GLIS3: variants seen among roughly 807,000 people sequenced by gnomAD.
GLIS3 encodes the protein zinc finger protein GLIS3.
GLIS3 carries 53 observed loss-of-function variants against 78.6 expected under a neutral mutation model. The observed-to-expected ratio is 0.67, with a 90% CI of 0.54 to 0.85. GLIS3 has a LOEUF of 0.85. GLIS3 is among the 40% of genes least tolerant of loss of function. The probability of loss-of-function intolerance (pLI) is 0.00; values close to 1 mark genes in which losing one functional copy is unlikely to be tolerated. For missense variants in GLIS3, 1,703 were observed against 1,231.1 expected (o/e 1.38, Z -5.74); for synonymous variants, 684 against 509.9 (o/e 1.34, Z -4.60).
intron 4 of GLIS3, among the ~76,000 whole-genome samples, chr9:3,955,977 A>G (rs888448807): frequency 2.7e-5 from 4 of 149,480 alleles, no homozygotes; most frequent in Non-Finnish European, 5.9e-5. Context: ...ACCATACCAT[A>G]GACTGCTCCC....
At chr9:3,934,509 A>C (rs1361596561) in intron 5 of GLIS3, among the ~76,000 whole-genome samples, 8 of 150,678 alleles carry the variant, frequency 5.3e-5, no homozygotes, top group African/African-American at 1.7e-4. Flanking sequence ...TCCCGAGTTT[A>C]AGCGATTCTC....
chr9:4,187,584 G>A (rs1470728557), intron 2 of GLIS3, among the ~76,000 whole-genome samples: 1 of 152,176 alleles, frequency 6.6e-6, no homozygotes, highest in African/African-American at 2.4e-5. Flanking sequence ...AATGACCTTG[G>A]ACTGTATGGC....
chr9:4,256,856 A>G (rs1309582159), intron 2 of GLIS3, among the ~76,000 whole-genome samples: 1 of 152,178 alleles, frequency 6.6e-6, no homozygotes, highest in Non-Finnish European at 1.5e-5. Context: ...TATACACCCA[A>G]AGGAAAGGAA....
chr9:3,930,131 A>G (rs564847322), intron 6 of GLIS3, among the ~76,000 whole-genome samples: 1 of 152,368 alleles, frequency 6.6e-6, no homozygotes, highest in Non-Finnish European at 1.5e-5. Flanking sequence ...AAATTAATCC[A>G]TCATGGATTC....
At chr9:4,014,026 G>T (rs1292174188) in intron 4 of GLIS3, among the ~76,000 whole-genome samples, 2 of 152,144 alleles carry the variant, frequency 1.3e-5, no homozygotes, top group African/African-American at 2.4e-5. Context: ...AGAGAGCCTT[G>T]AAAAATGAAA....
intron 2 of GLIS3, among the ~76,000 whole-genome samples, chr9:4,242,354 G>A (rs567772551): frequency 6.6e-6 from 1 of 152,254 alleles, no homozygotes; most frequent in South Asian, 2.1e-4. Context: ...TATTACCCAG[G>A]AAATCCTATA....
At chr9:4,455,743 G>C in the GLIS3 span, among the ~76,000 whole-genome samples, 2 of 152,110 alleles carry the variant, frequency 1.3e-5, no homozygotes, top group Admixed American at 6.5e-5. Flanking sequence ...GGATATTGCA[G>C]GTTCGGTCCC....
rs1365859989 is a variant in GLIS3, at chr9:3,824,859, A to G, written c.*3413T>C. On this transcript the variant is annotated 3_prime_UTR_variant, in exon 11 of 11. Coordinates refer to ENST00000381971, the MANE Select transcript of GLIS3 (RefSeq NM_001042413.2). ...ATACTTTGCTGTCTGTACAAAATAA[A>G]TCTCTTTTTACACTCACTATTTCTC... 6.7e-6 allele frequency: 1 copy of G among 149,642 alleles called. No homozygotes were observed. The highest frequency in any genetic ancestry group is 2.1e-4 in the South Asian group (1 of 4,760). The allele number at this position is 149,642 out of a possible 1,614,324, so 9.3% of individuals were successfully genotyped here. A position where few individuals can be genotyped will look rare whatever the true frequency, so the allele number is the denominator to read the frequency against.
chr9:4,244,954 A>C lies in GLIS3; in HGVS notation c.388+41084T>G, dbSNP rs529118869. ...ATTTTTAAGTTCTCATTCTACGTTA[A>C]AGAATACTTTTAAATTATAGAAGAG... is the stretch of plus-strand genomic sequence containing the variant. On this transcript the variant is annotated intron_variant, in intron 2 of 10. Coordinates refer to ENST00000381971, the MANE Select transcript of GLIS3 (RefSeq NM_001042413.2). Among the ~76,000 whole-genome samples the C allele has an allele frequency of 8.5e-5, 13 of 152,184 alleles. 1 individual carries two copies. The highest frequency in any genetic ancestry group is 1.6e-4 in the Non-Finnish European group (11 of 68,026).
At chr9:4,247,819 T>C (rs1339935453) in intron 2 of GLIS3, among the ~76,000 whole-genome samples, 1 of 152,222 alleles carries the variant, frequency 6.6e-6, no homozygotes, top group African/African-American at 2.4e-5. Flanking sequence ...TGTGATGTTT[T>C]GATATATGTC....
rs574174189 is a variant in GLIS3 at position 4,197,889 on chromosome 9, C to A, written c.389-71948G>T. On this transcript the variant is annotated intron_variant, in intron 2 of 10. Transcript: ENST00000381971. The stretch of plus-strand genomic sequence containing the variant: ...AGTAAAGCCAAAAGACCATACCCAG[C>A]ATTCTCTACAATCACGCCCCCTAGG... 5.3e-5 allele frequency among the ~76,000 whole-genome samples: 8 copies of A among 152,048 alleles called. No homozygotes were observed. In the South Asian group the frequency reaches 1.7e-3, roughly 32 times the overall value.
intron 4 of GLIS3, among the ~76,000 whole-genome samples, chr9:4,005,514 T>C (rs137928077): frequency 7.7e-4 from 118 of 152,320 alleles, no homozygotes; most frequent in Non-Finnish European, 1.5e-3. Flanking sequence ...TACCACTTTC[T>C]AATTGTGACC....
intron 2 of GLIS3, among the ~76,000 whole-genome samples, chr9:4,269,341 C>A (rs769237125): frequency 3.3e-5 from 5 of 152,022 alleles, no homozygotes; most frequent in Non-Finnish European, 7.3e-5. Flanking sequence ...TCCCACCAGT[C>A]TTGATCTGCG....
At chr9:4,261,307 G>A (rs1021403675) in intron 2 of GLIS3, among the ~76,000 whole-genome samples, 7 of 152,218 alleles carry the variant, frequency 4.6e-5, no homozygotes, top group Admixed American at 2.0e-4. Flanking sequence ...AGAGTGAGAC[G>A]TGGGACTTGA....
intron 2 of GLIS3, among the ~76,000 whole-genome samples, chr9:4,227,306 C>CAAA (rs35096957): frequency 2.2e-5 from 3 of 136,786 alleles, no homozygotes; most frequent in Non-Finnish European, 4.7e-5. Flanking sequence ...GTTATGTTAC[C>CAAA]AAAAAAAAAA....
chr9:4,340,579 G>A (rs1690650524), intron 2 of GLIS3, among the ~76,000 whole-genome samples: 3 of 152,190 alleles, frequency 2.0e-5, no homozygotes, highest in Admixed American at 2.0e-4. Flanking sequence ...GCAGGAATGA[G>A]GGAGTGAGGG....
At chr9:4,385,555 C>A in the GLIS3 span, among the ~76,000 whole-genome samples, 1 of 151,050 alleles carries the variant, frequency 6.6e-6, no homozygotes, top group South Asian at 2.1e-4. Context: ...ATCCCAGCTA[C>A]TCGGGAGGCC....
At chr9:3,933,694 A>AAAAC (rs927293203) in intron 5 of GLIS3, among the ~76,000 whole-genome samples, 15 of 152,186 alleles carry the variant, frequency 9.9e-5, no homozygotes, top group Non-Finnish European at 1.3e-4. Context: ...TGTTATAGTA[A>AAAAC]AAACAAACAA....
chr9:4,271,991 A>G (rs890587688), intron 2 of GLIS3, among the ~76,000 whole-genome samples: 1 of 152,192 alleles, frequency 6.6e-6, no homozygotes, highest in Non-Finnish European at 1.5e-5. Context: ...CTCATTTGTG[A>G]GAATTAAAGA....
Sources: gnomAD v4.1 joint callset for allele counts (sites outside exome capture counted in the v4.1 genomes callset) on GRCh38, gnomAD v4.1.1 for gene constraint, MANE v1.5 for transcripts, NCBI Gene and HGNC (gene_info 2026-07-23, HGNC 2026-07-21) for gene names.